Variants in ANKS1B observed in about 807,000 individuals in gnomAD.
ANKS1B encodes the protein ankyrin repeat and sterile alpha motif domain-containing protein 1B.
A neutral mutation model predicts 148.3 loss-of-function variants in ANKS1B; 36 were observed. The observed-to-expected ratio is 0.24, with a 90% CI of 0.19 to 0.32. The LOEUF (loss-of-function observed/expected upper bound fraction) is 0.32. Among genes scored for constraint, ANKS1B ranks in the 10% least tolerant of loss-of-function variants. The pLI, the probability that ANKS1B is intolerant of heterozygous loss-of-function variation, is 1.00. For synonymous variants in ANKS1B, 542 were observed against 560.8 expected, an observed-to-expected ratio of 0.97 and a Z score of 0.47; for missense variants, 1,157 against 1,542.6, an observed-to-expected ratio of 0.75 and a Z score of 4.19.
intron 17 of ANKS1B, among the ~76,000 whole-genome samples, chr12:98,897,288 G>A (rs1389048955): frequency 6.6e-6 from 1 of 151,834 alleles, no homozygotes; most frequent in African/African-American, 2.4e-5. Context: ...AGAGTAAACA[G>A]ACAACCTTCA....
chr12:99,235,526 T>C (rs2087739242), intron 14 of ANKS1B, among the ~76,000 whole-genome samples: 1 of 152,198 alleles, frequency 6.6e-6, no homozygotes, highest in Non-Finnish European at 1.5e-5. Flanking sequence ...GAAATTATTC[T>C]GTAAGCAGGC....
chr12:98,738,775 G>T (rs960282074), intron 9 of ANKS1B, among the ~76,000 whole-genome samples: 2 of 152,164 alleles, frequency 1.3e-5, no homozygotes, highest in South Asian at 4.1e-4. Context: ...GGGTCATAAG[G>T]CTTGGTTTCA....
chr12:99,741,834 T>C (rs2060144289), intron 8 of ANKS1B, among the ~76,000 whole-genome samples: 1 of 151,840 alleles, frequency 6.6e-6, no homozygotes, highest in African/African-American at 2.4e-5. Flanking sequence ...ATGACACAGG[T>C]ATACCCATGT....
At chr12:99,438,089 G>C (rs7966722) in intron 11 of ANKS1B, among the ~76,000 whole-genome samples, 64,924 of 151,576 alleles carry the variant, frequency 0.43, 16,856 homozygotes, top group African/African-American at 0.72. Flanking sequence ...TCCACAGTAA[G>C]AGTTGTCTTT....
At chr12:98,808,457 A>C (rs1241445886) in intron 19 of ANKS1B, among the ~76,000 whole-genome samples, 7 of 152,218 alleles carry the variant, frequency 4.6e-5, no homozygotes, top group Non-Finnish European at 4.4e-5. Context: ...TTAACAAAGG[A>C]AGACGTGTCA....
intron 14 of ANKS1B, among the ~76,000 whole-genome samples, chr12:99,182,459 C>T (rs1421916100): frequency 6.6e-6 from 1 of 152,276 alleles, no homozygotes; most frequent in Non-Finnish European, 1.5e-5. Context: ...ACATAAGGAC[C>T]TCCTGTTCCA....
At chr12:98,919,540 G>A (rs181031275) in intron 17 of ANKS1B, among the ~76,000 whole-genome samples, 14 of 152,310 alleles carry the variant, frequency 9.2e-5, no homozygotes, top group African/African-American at 3.1e-4. Context: ...CAGTTCTTAA[G>A]CTGGGTCTGT....
chr12:99,773,677 T>C (rs566473695), intron 7 of ANKS1B, among the ~76,000 whole-genome samples: 12 of 152,248 alleles, frequency 7.9e-5, no homozygotes, highest in Non-Finnish European at 1.6e-4. Flanking sequence ...AAAGATACCT[T>C]ATACCTGTAA....
intron 1 of ANKS1B, among the ~76,000 whole-genome samples, chr12:99,911,847 T>C (rs2094014970): frequency 6.6e-6 from 1 of 152,182 alleles, no homozygotes; most frequent in Non-Finnish European, 1.5e-5. Flanking sequence ...AGGGTTCCCT[T>C]CTTAAAAGTA....
intron 10 of ANKS1B, among the ~76,000 whole-genome samples, chr12:99,501,111 T>A (rs1033365763): frequency 6.6e-6 from 1 of 152,056 alleles, no homozygotes; most frequent in Admixed American, 6.6e-5. Context: ...CTCTCCAATA[T>A]GCTAGGTCAT....
At chr12:98,795,048 T>C in intron 22 of ANKS1B, 1 of 662,784 alleles carries the variant, frequency 1.5e-6, no homozygotes, top group Admixed American at 2.5e-5. Flanking sequence ...TATTAGCTTA[T>C]TTTTTACATA....
At chr12:99,145,433 C>T (rs1334206776) in intron 15 of ANKS1B, among the ~76,000 whole-genome samples, 1 of 152,038 alleles carries the variant, frequency 6.6e-6, no homozygotes, top group Non-Finnish European at 1.5e-5. Flanking sequence ...GCGGAAGGCT[C>T]CCTGGAGCAA....
chr12:98,785,479 A>G (rs2098783658), intron 22 of ANKS1B, among the ~76,000 whole-genome samples: 1 of 152,152 alleles, frequency 6.6e-6, no homozygotes, highest in African/African-American at 2.4e-5. Context: ...CAAAAAAAAG[A>G]AAAAGAAAAA....
intron 9 of ANKS1B, among the ~76,000 whole-genome samples, chr12:99,560,840 C>CTTTTTT (rs58588885): frequency 2.0e-3 from 147 of 71,922 alleles, no homozygotes; most frequent in African/African-American, 2.9e-3. Flanking sequence ...TTTCTTTTTT[C>CTTTTTT]TTTTTTTTTT....
intron 17 of ANKS1B, among the ~76,000 whole-genome samples, chr12:98,936,830 A>C (rs1375370702): frequency 1.3e-5 from 2 of 152,200 alleles, no homozygotes; most frequent in African/African-American, 4.8e-5. Context: ...AATTGAACAC[A>C]AAATTTTATC....
At chr12:99,714,236 A>G (rs1234194551) in intron 8 of ANKS1B, among the ~76,000 whole-genome samples, 1 of 134,854 alleles carries the variant, frequency 7.4e-6, no homozygotes, top group East Asian at 2.3e-4. Flanking sequence ...GCTTTTTATG[A>G]CACTACCCCT....
At chr12:99,507,100 T>C (rs540386194) in intron 9 of ANKS1B, among the ~76,000 whole-genome samples, 1 of 152,014 alleles carries the variant, frequency 6.6e-6, no homozygotes, top group African/African-American at 2.4e-5. Context: ...GAAATGATTT[T>C]TTTTCAAATG....
chr12:98,929,124 T>G (rs2099811574), intron 17 of ANKS1B, among the ~76,000 whole-genome samples: 1 of 151,922 alleles, frequency 6.6e-6, no homozygotes, highest in African/African-American at 2.4e-5. Flanking sequence ...TTAGTTGTAT[T>G]TCTGTGTATT....
intron 9 of ANKS1B, among the ~76,000 whole-genome samples, chr12:99,510,625 C>T (rs1197828409): frequency 1.3e-5 from 2 of 151,976 alleles, no homozygotes; most frequent in Non-Finnish European, 2.9e-5. Context: ...ATGAAATACA[C>T]TCCTGGTGAA....
Sources: allele counts gnomAD v4.1 joint callset (sites outside exome capture counted in the v4.1 genomes callset), GRCh38; gene constraint gnomAD v4.1.1; transcripts MANE v1.5; gene names NCBI Gene and HGNC (gene_info 2026-07-23, HGNC 2026-07-21).